The following NLGN1 variants were observed in gnomAD, a reference collection of about 807,000 sequenced individuals.
NLGN1 encodes the protein neuroligin-1.
Under a neutral mutation model 65.5 loss-of-function variants are expected in NLGN1, and 12 were observed. The observed-to-expected ratio is 0.18, with a 90% CI of 0.12 to 0.30. The LOEUF (loss-of-function observed/expected upper bound fraction) is 0.30. Ranked by LOEUF, NLGN1 falls within the 10% of genes least tolerant of loss-of-function variation. NLGN1 has a pLI of 1.00. For missense variants in NLGN1, 750 were observed against 1,007.1 expected (o/e 0.74, Z 3.46); for synonymous variants, 350 against 359.5 (o/e 0.97, Z 0.30).
At chr3:173,925,413 G>T (rs1186457741) in intron 4 of NLGN1, among the ~76,000 whole-genome samples, 1 of 152,146 alleles carries the variant, frequency 6.6e-6, no homozygotes, top group South Asian at 2.1e-4. Context: ...AATAAGAGAA[G>T]AATATACCAC....
chr3:173,463,258 G>A (rs1576811828), intron 2 of NLGN1, among the ~76,000 whole-genome samples: 1 of 152,116 alleles, frequency 6.6e-6, no homozygotes, highest in South Asian at 2.1e-4. Context: ...GGATTATATT[G>A]TTCAAAAACA....
chr3:173,684,477 A>C (rs191395951), intron 3 of NLGN1, among the ~76,000 whole-genome samples: 1 of 152,316 alleles, frequency 6.6e-6, no homozygotes, highest in Non-Finnish European at 1.5e-5. Context: ...TAGACGTAAA[A>C]GATGTCCATT....
intron 3 of NLGN1, among the ~76,000 whole-genome samples, chr3:173,693,982 G>A (rs1765832541): frequency 6.6e-6 from 1 of 152,050 alleles, no homozygotes; most frequent in Non-Finnish European, 1.5e-5. Flanking sequence ...ATACACTGCT[G>A]AGAATAGGAA....
chr3:173,421,503 T>A (rs1715042886), intron 1 of NLGN1, among the ~76,000 whole-genome samples: 1 of 151,358 alleles, frequency 6.6e-6, no homozygotes, highest in South Asian at 2.1e-4. Context: ...AATTTTATAA[T>A]AATAATTATT....
intron 2 of NLGN1, among the ~76,000 whole-genome samples, chr3:173,452,464 C>T (rs956424279): frequency 1.1e-4 from 16 of 152,158 alleles, no homozygotes; most frequent in Admixed American, 3.9e-4. Flanking sequence ...GGATTACAGG[C>T]GTGAGCCGCG....
chr3:173,810,517 C>A (rs1717695525), intron 4 of NLGN1, among the ~76,000 whole-genome samples: 1 of 152,178 alleles, frequency 6.6e-6, no homozygotes, highest in Admixed American at 6.5e-5. Flanking sequence ...ATTACAAGAT[C>A]ATTGATTTGA....
intron 4 of NLGN1, among the ~76,000 whole-genome samples, chr3:173,944,059 G>A (rs899972527): frequency 2.0e-5 from 3 of 151,146 alleles, no homozygotes; most frequent in Non-Finnish European, 4.4e-5. Context: ...ACAAAAACAA[G>A]GAACTGAAAC....
exon 7 of NLGN1, chr3:174,285,453 C>G (rs1752002388): frequency 6.6e-6 from 1 of 151,458 alleles, no homozygotes; most frequent in Non-Finnish European, 1.5e-5. Context: ...ATTATCTTGT[C>G]AAGCTTTACT....
At chr3:173,599,403 C>T (rs1023484517) in intron 2 of NLGN1, among the ~76,000 whole-genome samples, 3 of 152,052 alleles carry the variant, frequency 2.0e-5, no homozygotes, top group African/African-American at 7.2e-5. Context: ...TGAAGAATAT[C>T]CTTTTGTCTC....
At chr3:173,757,673 G>GA (rs995252673) in intron 3 of NLGN1, among the ~76,000 whole-genome samples, 6 of 151,502 alleles carry the variant, frequency 4.0e-5, no homozygotes, top group African/African-American at 9.7e-5. Context: ...CAAAGCAGCA[G>GA]AAAAAAAATG....
intron 4 of NLGN1, among the ~76,000 whole-genome samples, chr3:173,954,918 A>G (rs1033815592): frequency 6.6e-6 from 1 of 152,162 alleles, no homozygotes; most frequent in Admixed American, 6.5e-5. Context: ...TGAAATCTCC[A>G]TTAGGTATCA....
chr3:174,196,476 T>G (rs1010735913), intron 4 of NLGN1, among the ~76,000 whole-genome samples: 2 of 152,220 alleles, frequency 1.3e-5, no homozygotes, highest in Non-Finnish European at 2.9e-5. Context: ...TCGTCTTGTA[T>G]ACACTCTGCA....
chr3:173,849,189 T>A (rs1327971297), intron 4 of NLGN1, among the ~76,000 whole-genome samples: 5 of 152,184 alleles, frequency 3.3e-5, no homozygotes, highest in African/African-American at 1.2e-4. Flanking sequence ...ATATCTTTTC[T>A]TTTAAATTAA....
chr3:173,969,604 C>T (rs1000097946), intron 4 of NLGN1, among the ~76,000 whole-genome samples: 7 of 151,976 alleles, frequency 4.6e-5, no homozygotes, highest in African/African-American at 1.2e-4. Context: ...CCTTGACTTA[C>T]GTGAGCTTGT....
intron 4 of NLGN1, among the ~76,000 whole-genome samples, chr3:174,030,554 A>T (rs966713360): frequency 1.3e-5 from 2 of 152,202 alleles, no homozygotes; most frequent in Non-Finnish European, 2.9e-5. Flanking sequence ...GCTTTTAATC[A>T]TATTGTGATT....
At chr3:174,076,737 G>A (rs979066093) in intron 4 of NLGN1, among the ~76,000 whole-genome samples, 1 of 151,168 alleles carries the variant, frequency 6.6e-6, no homozygotes, top group Non-Finnish European at 1.5e-5. Flanking sequence ...GTGTGTGTGT[G>A]TGTGTGTGTG....
chr3:174,061,558 GTAAT>G (rs1737422459), intron 4 of NLGN1, among the ~76,000 whole-genome samples: 1 of 152,074 alleles, frequency 6.6e-6, no homozygotes, highest in Non-Finnish European at 1.5e-5. Flanking sequence ...CTTTGCATAA[GTAAT>G]TATTTTAATT....
intron 4 of NLGN1, among the ~76,000 whole-genome samples, chr3:173,812,460 G>T (rs954340858): frequency 6.6e-6 from 1 of 151,950 alleles, no homozygotes; most frequent in Non-Finnish European, 1.5e-5. Context: ...AGGCGTGGTG[G>T]TGCATGCCTG....
intron 4 of NLGN1, among the ~76,000 whole-genome samples, chr3:174,045,336 AT>A (rs1016617595): frequency 6.6e-6 from 1 of 152,116 alleles, no homozygotes; most frequent in African/African-American, 2.4e-5. Context: ...CCTTCTTCAC[AT>A]GACAGCAGGA....
Sources: gnomAD v4.1 joint callset for allele counts (sites outside exome capture counted in the v4.1 genomes callset) on GRCh38, gnomAD v4.1.1 for gene constraint, MANE v1.5 for transcripts, NCBI Gene and HGNC (gene_info 2026-07-23, HGNC 2026-07-21) for gene names.